STARD13: variants seen among roughly 807,000 people sequenced by gnomAD.
STARD13 encodes StAR related lipid transfer domain containing 13.
A neutral mutation model predicts 106.4 loss-of-function variants in STARD13; 62 were observed. The observed-to-expected ratio is 0.58, with a 90% CI of 0.48 to 0.72. The LOEUF (loss-of-function observed/expected upper bound fraction) is 0.72. STARD13 is among the 30% of genes least tolerant of loss of function. The pLI, the probability that STARD13 is intolerant of heterozygous loss-of-function variation, is 0.00. For missense variants in STARD13, 1,387 were observed against 1,424.0 expected (o/e 0.97, Z 0.42); for synonymous variants, 565 against 553.0 (o/e 1.02, Z -0.31).
the STARD13 span, among the ~76,000 whole-genome samples, chr13:33,364,360 G>A: frequency 6.6e-5 from 10 of 152,188 alleles, no homozygotes; most frequent in Admixed American, 6.5e-4. Context: ...CAGAGTGGGA[G>A]TTTGGAGTGT....
chr13:33,133,536 A>G (rs1878621489), intron 4 of STARD13, among the ~76,000 whole-genome samples: 1 of 152,298 alleles, frequency 6.6e-6, no homozygotes, highest in Admixed American at 6.5e-5. Flanking sequence ...GGGTATTGAA[A>G]TGGTTGTGTC....
At chr13:33,439,716 A>G in the STARD13 span, 32 of 1,257,568 alleles carry the variant, frequency 2.5e-5, no homozygotes, top group Admixed American at 3.0e-4. Flanking sequence ...GTCTGTTATC[A>G]GAGAGCACCT....
chr13:33,439,372 T>G, the STARD13 span, among the ~76,000 whole-genome samples: 1 of 152,248 alleles, frequency 6.6e-6, no homozygotes, highest in Non-Finnish European at 1.5e-5. Flanking sequence ...AATCTTTTAT[T>G]TAATTCCTAT....
At chr13:33,634,485 A>G in the STARD13 span, among the ~76,000 whole-genome samples, 45 of 152,346 alleles carry the variant, frequency 3.0e-4, no homozygotes, top group Non-Finnish European at 5.4e-4. Context: ...ATAAATAGAC[A>G]TCTAAAAGAG....
chr13:33,385,554 A>G, the STARD13 span, among the ~76,000 whole-genome samples: 2 of 150,962 alleles, frequency 1.3e-5, no homozygotes, highest in African/African-American at 2.4e-5. Context: ...TAAACCAGAT[A>G]ACTAGATTCT....
chr13:33,663,919 C>T, the STARD13 span, among the ~76,000 whole-genome samples: 2 of 152,138 alleles, frequency 1.3e-5, no homozygotes, highest in African/African-American at 4.8e-5. Context: ...ACCGTTCCTC[C>T]GACTCTTTCC....
At chr13:33,419,343 A>C in the STARD13 span, among the ~76,000 whole-genome samples, 1 of 152,210 alleles carries the variant, frequency 6.6e-6, no homozygotes, top group Admixed American at 6.5e-5. Context: ...TAGCCGATTC[A>C]ATCAAGTGGA....
At chr13:33,391,789 T>A in the STARD13 span, among the ~76,000 whole-genome samples, 23 of 152,272 alleles carry the variant, frequency 1.5e-4, no homozygotes, top group African/African-American at 5.1e-4. Context: ...TCAGTGGGAC[T>A]GCCAGTGGCC....
the STARD13 span, among the ~76,000 whole-genome samples, chr13:33,503,052 T>C: frequency 8.8e-3 from 1,335 of 152,330 alleles, 17 homozygotes; most frequent in African/African-American, 0.031. Context: ...ATTGCCTCAA[T>C]TTCAGAACCT....
chr13:33,663,209 C>T, the STARD13 span, among the ~76,000 whole-genome samples: 1 of 152,040 alleles, frequency 6.6e-6, no homozygotes, highest in East Asian at 1.9e-4. Context: ...CCTTGGCCTC[C>T]CAAAGAGCTG....
At chr13:33,631,037 T>A in the STARD13 span, among the ~76,000 whole-genome samples, 1 of 152,182 alleles carries the variant, frequency 6.6e-6, no homozygotes, top group Non-Finnish European at 1.5e-5. Flanking sequence ...GTAAATTAGA[T>A]CCCATGTTCT....
chr13:33,116,369 A>C (rs1875374648), intron 8 of STARD13, among the ~76,000 whole-genome samples: 1 of 152,086 alleles, frequency 6.6e-6, no homozygotes, highest in African/African-American at 2.4e-5. Flanking sequence ...AATTCTCCAA[A>C]TTTGTTGTGT....
the STARD13 span, among the ~76,000 whole-genome samples, chr13:33,593,855 C>T: frequency 4.5e-4 from 68 of 152,184 alleles, no homozygotes; most frequent in Non-Finnish European, 8.7e-4. Context: ...CTGACACAGT[C>T]CCCTGGTGGC....
chr13:33,286,241 C>T (rs997933488), upstream of STARD13, among the ~76,000 whole-genome samples: 4 of 152,088 alleles, frequency 2.6e-5, no homozygotes, highest in African/African-American at 4.8e-5. Flanking sequence ...CAAGAAACAA[C>T]TCAAATAAAA....
chr13:33,284,495 T>C (rs1180650617), intron 1 of STARD13, among the ~76,000 whole-genome samples: 1 of 152,066 alleles, frequency 6.6e-6, no homozygotes, highest in African/African-American at 2.4e-5. Flanking sequence ...TCTTTTTTTG[T>C]TGTGTAGGAG....
At chr13:33,659,505 C>T in the STARD13 span, among the ~76,000 whole-genome samples, 21 of 152,350 alleles carry the variant, frequency 1.4e-4, no homozygotes, top group East Asian at 2.9e-3. Context: ...TGAGCCACTG[C>T]TCCCAGCCAA....
the STARD13 span, among the ~76,000 whole-genome samples, chr13:33,639,779 T>C: frequency 6.6e-6 from 1 of 152,258 alleles, no homozygotes; most frequent in Non-Finnish European, 1.5e-5. Context: ...AGCTGTTCTG[T>C]ACCTCACTTC....
At chr13:33,592,172 T>A in the STARD13 span, among the ~76,000 whole-genome samples, 1 of 152,236 alleles carries the variant, frequency 6.6e-6, no homozygotes, top group East Asian at 1.9e-4. Flanking sequence ...AAATGGTTTG[T>A]TGCTTTACGT....
the STARD13 span, among the ~76,000 whole-genome samples, chr13:33,476,503 G>A: frequency 1.8e-4 from 27 of 152,244 alleles, no homozygotes; most frequent in African/African-American, 5.5e-4. Context: ...AGTAAAAGGA[G>A]ATCATTTATC....
Sources: gnomAD v4.1 joint callset for allele counts (sites outside exome capture counted in the v4.1 genomes callset) on GRCh38, gnomAD v4.1.1 for gene constraint, MANE v1.5 for transcripts, NCBI Gene and HGNC (gene_info 2026-07-23, HGNC 2026-07-21) for gene names.